ERC2: variants seen among roughly 807,000 people sequenced by gnomAD.
ERC2 encodes the protein ELKS/RAB6-interacting/CAST family member 2.
Under a neutral mutation model 114.8 loss-of-function variants are expected in ERC2, and 42 were observed. The ratio of observed to expected loss-of-function variants is 0.37; its 90% CI spans 0.29 to 0.47. The LOEUF (loss-of-function observed/expected upper bound fraction) is 0.47. ERC2 is among the 20% of genes least tolerant of loss of function. ERC2 has a pLI of 0.99. For missense variants in ERC2, 939 were observed against 1,150.7 expected, an observed-to-expected ratio of 0.82 and a Z score of 2.66; for synonymous variants, 454 against 425.5, an observed-to-expected ratio of 1.07 and a Z score of -0.82.
At chr3:56,071,250 C>T (rs1479090447) in intron 7 of ERC2, among the ~76,000 whole-genome samples, 3 of 152,186 alleles carry the variant, frequency 2.0e-5, no homozygotes, top group African/African-American at 7.2e-5. Flanking sequence ...CAATGGTGCC[C>T]AAGGCCTCAT....
At chr3:55,998,236 C>G (rs144935767) in intron 10 of ERC2, among the ~76,000 whole-genome samples, 33 of 152,110 alleles carry the variant, frequency 2.2e-4, no homozygotes, top group African/African-American at 7.9e-4. Flanking sequence ...ATGTCTCTCT[C>G]TCTTTCTCTC....
intron 6 of ERC2, among the ~76,000 whole-genome samples, chr3:56,118,226 T>A (rs936078042): frequency 5.3e-5 from 8 of 152,036 alleles, no homozygotes; most frequent in Non-Finnish European, 8.8e-5. Flanking sequence ...AGACATAGAG[T>A]AAATGCTCAG....
At chr3:55,927,600 AATTCT>A (rs912948231) in intron 13 of ERC2, among the ~76,000 whole-genome samples, 19 of 152,330 alleles carry the variant, frequency 1.2e-4, no homozygotes, top group African/African-American at 4.6e-4. Flanking sequence ...TATTACAAAT[AATTCT>A]ATTCTATTCT....
intron 17 of ERC2, among the ~76,000 whole-genome samples, chr3:55,546,227 G>T (rs556767551): frequency 6.6e-6 from 1 of 152,282 alleles, no homozygotes; most frequent in East Asian, 1.9e-4. Flanking sequence ...ATTCTGTCCG[G>T]CCTCCCTGCT....
chr3:55,949,420 G>A (rs912068338), intron 13 of ERC2, among the ~76,000 whole-genome samples: 3 of 151,848 alleles, frequency 2.0e-5, no homozygotes, highest in African/African-American at 7.3e-5. Context: ...TCACTATTCA[G>A]TGAACACTCC....
At chr3:56,405,724 C>T (rs1286385550) in intron 2 of ERC2, among the ~76,000 whole-genome samples, 1 of 152,000 alleles carries the variant, frequency 6.6e-6, no homozygotes, top group Non-Finnish European at 1.5e-5. Flanking sequence ...TGGATGCTAT[C>T]TCATAATATG....
chr3:56,130,856 A>T (rs1209164245), intron 6 of ERC2, among the ~76,000 whole-genome samples: 1 of 152,182 alleles, frequency 6.6e-6, no homozygotes, highest in African/African-American at 2.4e-5. Flanking sequence ...GCCCCTATAG[A>T]CAATTCCTTC....
chr3:56,249,494 T>G (rs1332485129), intron 3 of ERC2, among the ~76,000 whole-genome samples: 5 of 151,354 alleles, frequency 3.3e-5, no homozygotes, highest in Non-Finnish European at 5.9e-5. Flanking sequence ...CCCAGCTAAT[T>G]TTTTTGTATT....
At chr3:56,060,940 G>A (rs903718432) in intron 7 of ERC2, among the ~76,000 whole-genome samples, 1 of 151,978 alleles carries the variant, frequency 6.6e-6, no homozygotes, top group Non-Finnish European at 1.5e-5. Context: ...CCTAGAAAAC[G>A]ATAAAGATGG....
At chr3:56,332,793 A>G (rs749311560) in intron 2 of ERC2, among the ~76,000 whole-genome samples, 14 of 152,178 alleles carry the variant, frequency 9.2e-5, no homozygotes, top group Non-Finnish European at 1.9e-4. Flanking sequence ...GTTGGTGACA[A>G]CAATGGAAAC....
chr3:55,954,081 T>TAAAAAAAAAA (rs58512381), intron 12 of ERC2, among the ~76,000 whole-genome samples: 2 of 50,358 alleles, frequency 4.0e-5, no homozygotes, highest in Admixed American at 2.7e-4. Context: ...CTCCATTATT[T>TAAAAAAAAAA]AAAAAAAAAA....
intron 7 of ERC2, among the ~76,000 whole-genome samples, chr3:56,030,166 A>G (rs957659271): frequency 2.0e-5 from 3 of 152,182 alleles, no homozygotes; most frequent in African/African-American, 7.2e-5. Flanking sequence ...TTAAGATCAT[A>G]GAACATACCT....
At chr3:55,759,413 C>A (rs2067265192) in intron 14 of ERC2, among the ~76,000 whole-genome samples, 2 of 133,516 alleles carry the variant, frequency 1.5e-5, no homozygotes, top group Non-Finnish European at 3.1e-5. Context: ...ATTGTCTCCT[C>A]CCCCTCTCTG....
chr3:56,457,736 A>C (rs2063126695), intron 1 of ERC2, among the ~76,000 whole-genome samples: 1 of 151,900 alleles, frequency 6.6e-6, no homozygotes, highest in African/African-American at 2.4e-5. Flanking sequence ...TGAACCCTGA[A>C]TCTCCCATTC....
chr3:55,961,899 T>C (rs1219238713), intron 12 of ERC2, among the ~76,000 whole-genome samples: 1 of 149,480 alleles, frequency 6.7e-6, no homozygotes, highest in Non-Finnish European at 1.5e-5. Context: ...ATTCTTCACA[T>C]TGACTTCTAC....
intron 2 of ERC2, among the ~76,000 whole-genome samples, chr3:56,334,752 T>C (rs928374460): frequency 1.4e-4 from 21 of 152,102 alleles, no homozygotes; most frequent in African/African-American, 5.1e-4. Context: ...ATATAAAAAT[T>C]TGAATGTGAG....
intron 17 of ERC2, among the ~76,000 whole-genome samples, chr3:55,662,442 A>C (rs1559466057): frequency 1.3e-5 from 2 of 152,262 alleles, no homozygotes; most frequent in Non-Finnish European, 2.9e-5. Context: ...TTACCAAGAC[A>C]TACTGTTAAG....
intron 2 of ERC2, among the ~76,000 whole-genome samples, chr3:56,407,052 A>G (rs1576804368): frequency 6.6e-6 from 1 of 152,166 alleles, no homozygotes; most frequent in Admixed American, 6.5e-5. Flanking sequence ...GACAGACAGG[A>G]TAAGTGTCTT....
At chr3:56,435,691 G>A (rs2061987309) in intron 1 of ERC2, among the ~76,000 whole-genome samples, 1 of 152,140 alleles carries the variant, frequency 6.6e-6, no homozygotes, top group African/African-American at 2.4e-5. Context: ...ACTAGGTTCA[G>A]AATTCTTCTC....
Sources: gnomAD v4.1 joint callset for allele counts (sites outside exome capture counted in the v4.1 genomes callset) on GRCh38, gnomAD v4.1.1 for gene constraint, MANE v1.5 for transcripts, NCBI Gene and HGNC (gene_info 2026-07-23, HGNC 2026-07-21) for gene names.